The following CEP63 variants were observed in gnomAD, a reference collection of about 807,000 sequenced individuals.
The protein encoded by CEP63 is centrosomal protein of 63 kDa.
In CEP63, 84 loss-of-function variants were observed where a neutral mutation model predicts 89.1. That is an observed-to-expected ratio of 0.94 (90% CI 0.79 to 1.13). The LOEUF (loss-of-function observed/expected upper bound fraction) is 1.13, where lower values mean the gene tolerates loss of function less well. Ranked by LOEUF, CEP63 falls within the 50% of genes most tolerant of loss-of-function variation. CEP63 has a pLI of 0.00. For synonymous variants in CEP63, 267 were observed against 272.5 expected (o/e 0.98, Z 0.20); for missense variants, 838 against 813.3 (o/e 1.03, Z -0.37).
chr3:134,644,962 G>A, the CEP63 span, among the ~76,000 whole-genome samples: 23 of 152,386 alleles, frequency 1.5e-4, no homozygotes, highest in African/African-American at 5.3e-4. Flanking sequence ...AGGAAAGGGA[G>A]GCCAGGACCG....
At chr3:134,705,082 C>T in the CEP63 span, among the ~76,000 whole-genome samples, 2 of 152,118 alleles carry the variant, frequency 1.3e-5, no homozygotes, top group African/African-American at 4.8e-5. Flanking sequence ...AAATAACCTG[C>T]AAGAGGCTAA....
At chr3:134,663,698 G>A in the CEP63 span, among the ~76,000 whole-genome samples, 20 of 95,172 alleles carry the variant, frequency 2.1e-4, no homozygotes, top group African/African-American at 3.2e-4. Context: ...CCTGGCATGC[G>A]GGGCCCCAGA....
At chr3:134,533,898 T>A (rs767313562) in intron 5 of CEP63, among the ~76,000 whole-genome samples, 5 of 152,226 alleles carry the variant, frequency 3.3e-5, no homozygotes, top group Non-Finnish European at 5.9e-5. Flanking sequence ...TCTCAATATT[T>A]TTTTACATTT....
At chr3:134,587,510 G>C (rs537533586) in exon 11 of CEP63, among the ~76,000 whole-genome samples, 2 of 152,222 alleles carry the variant, frequency 1.3e-5, no homozygotes, top group South Asian at 2.1e-4. Flanking sequence ...TGTTTGCCTG[G>C]GTATCACCAG....
chr3:134,737,610 CTT>C, the CEP63 span, among the ~76,000 whole-genome samples: 2 of 152,192 alleles, frequency 1.3e-5, no homozygotes, highest in African/African-American at 4.8e-5. Flanking sequence ...CTATTTTACT[CTT>C]TTTCACTATT....
chr3:134,520,374 C>T (rs1480820459), intron 3 of CEP63, among the ~76,000 whole-genome samples: 1 of 152,016 alleles, frequency 6.6e-6, no homozygotes, highest in Non-Finnish European at 1.5e-5. Context: ...AGGTATAAGA[C>T]CTCTGCACAG....
chr3:134,763,454 A>G, the CEP63 span, among the ~76,000 whole-genome samples: 1,389 of 152,306 alleles, frequency 9.1e-3, 20 homozygotes, highest in African/African-American at 0.031. Flanking sequence ...CCAGCACTAT[A>G]TAATCTAAGA....
intron 2 of CEP63, among the ~76,000 whole-genome samples, chr3:134,502,458 C>T (rs535747494): frequency 2.8e-4 from 43 of 152,150 alleles, no homozygotes; most frequent in Admixed American, 9.2e-4. Context: ...TCTGGGGCTT[C>T]TTTAGTTGGT....
At chr3:134,517,349 A>G (rs1377420681) in intron 3 of CEP63, among the ~76,000 whole-genome samples, 1 of 152,224 alleles carries the variant, frequency 6.6e-6, no homozygotes, top group Non-Finnish European at 1.5e-5. Context: ...AAGTGACAGA[A>G]CTAGGAAAAA....
At chr3:134,529,541 G>C (rs565392977) in intron 3 of CEP63, among the ~76,000 whole-genome samples, 5 of 151,934 alleles carry the variant, frequency 3.3e-5, no homozygotes, top group African/African-American at 1.2e-4. Context: ...AGGTTTTGTC[G>C]TGTTGGCCAG....
chr3:134,672,450 C>T, the CEP63 span, among the ~76,000 whole-genome samples: 2 of 152,062 alleles, frequency 1.3e-5, no homozygotes, highest in Admixed American at 6.5e-5. Context: ...GAAAATAAGG[C>T]CAAGGAGAAT....
chr3:134,554,603 A>G (rs1402416270), intron 12 of CEP63, among the ~76,000 whole-genome samples: 4 of 150,300 alleles, frequency 2.7e-5, no homozygotes. Context: ...ATACCCAGTA[A>G]TGGGATGGCT....
the CEP63 span, among the ~76,000 whole-genome samples, chr3:134,714,898 G>A: frequency 6.6e-6 from 1 of 152,204 alleles, no homozygotes. Flanking sequence ...GTAGGTAAAT[G>A]GTGACCATAA....
chr3:134,602,278 C>T, the CEP63 span, among the ~76,000 whole-genome samples: 1 of 152,140 alleles, frequency 6.6e-6, no homozygotes, highest in African/African-American at 2.4e-5. Context: ...CTGAAGTCAG[C>T]CTTTCCTCCG....
the CEP63 span, among the ~76,000 whole-genome samples, chr3:134,719,060 C>T: frequency 6.6e-6 from 1 of 152,224 alleles, no homozygotes; most frequent in African/African-American, 2.4e-5. Context: ...CATTCACTAA[C>T]TGTGCAACCC....
chr3:134,736,264 C>T, the CEP63 span, among the ~76,000 whole-genome samples: 7 of 152,022 alleles, frequency 4.6e-5, no homozygotes, highest in Non-Finnish European at 8.8e-5. Context: ...TTTGGTGAAA[C>T]ATTAGAAGCA....
the CEP63 span, among the ~76,000 whole-genome samples, chr3:134,635,405 G>T: frequency 1.4e-5 from 2 of 147,632 alleles, no homozygotes; most frequent in East Asian, 2.1e-4. Context: ...GCTGAGGCAG[G>T]AGAATCGCTT....
At chr3:134,546,558 T>C (rs1189046019) in intron 8 of CEP63, among the ~76,000 whole-genome samples, 1 of 152,104 alleles carries the variant, frequency 6.6e-6, no homozygotes, top group Non-Finnish European at 1.5e-5. Flanking sequence ...GCATTCATCA[T>C]GTTGGCTAGG....
chr3:134,603,454 G>A, the CEP63 span: 1 of 825,386 alleles, frequency 1.2e-6, no homozygotes, highest in South Asian at 1.9e-5. Flanking sequence ...GGGACACTGA[G>A]GCAGAGGCCT....
Sources: allele counts gnomAD v4.1 joint callset (sites outside exome capture counted in the v4.1 genomes callset), GRCh38; gene constraint gnomAD v4.1.1; transcripts MANE v1.5; gene names NCBI Gene and HGNC (gene_info 2026-07-23, HGNC 2026-07-21).